PRICKLE2: variants seen among roughly 807,000 people sequenced by gnomAD.
The protein encoded by PRICKLE2 is prickle planar cell polarity protein 2.
A neutral mutation model predicts 81.4 loss-of-function variants in PRICKLE2; 21 were observed. The observed-to-expected ratio is 0.26, with a 90% confidence interval of 0.18 to 0.37. The LOEUF is 0.37. Among genes scored for constraint, PRICKLE2 ranks in the 10% least tolerant of loss-of-function variants. PRICKLE2 has a pLI of 1.00. For missense variants in PRICKLE2, 940 were observed against 1,109.0 expected (o/e 0.85, Z 2.16); for synonymous variants, 456 against 421.5 (o/e 1.08, Z -1.00).
intron 1 of PRICKLE2, among the ~76,000 whole-genome samples, chr3:64,204,710 C>T (rs1012514557): frequency 6.6e-6 from 1 of 152,104 alleles, no homozygotes; most frequent in African/African-American, 2.4e-5. Flanking sequence ...TAGCTGCCCG[C>T]CTTCCACTTC....
chr3:64,159,166 C>G (rs574212999), intron 4 of PRICKLE2, among the ~76,000 whole-genome samples: 2 of 152,268 alleles, frequency 1.3e-5, no homozygotes, highest in Admixed American at 6.5e-5. Context: ...GCAGTGAGGT[C>G]CCAGGGAGAA....
intron 7 of PRICKLE2, among the ~76,000 whole-genome samples, chr3:64,120,159 G>T (rs532966580): frequency 6.6e-6 from 1 of 152,188 alleles, no homozygotes; most frequent in East Asian, 1.9e-4. Context: ...TCAGCATCAC[G>T]TACTACACCC....
intron 2 of PRICKLE2, among the ~76,000 whole-genome samples, chr3:64,177,965 G>A (rs943118748): frequency 3.3e-5 from 5 of 152,112 alleles, no homozygotes; most frequent in Non-Finnish European, 5.9e-5. Flanking sequence ...TTAGCTTTTA[G>A]AGAAACTGCC....
At chr3:64,193,062 A>T (rs1026350939) in intron 2 of PRICKLE2, among the ~76,000 whole-genome samples, 5 of 152,182 alleles carry the variant, frequency 3.3e-5, no homozygotes, top group Non-Finnish European at 5.9e-5. Context: ...TAGCATCATG[A>T]ATCTAAAACC....
At chr3:64,194,056 A>G (rs1308390063) in intron 2 of PRICKLE2, 1 of 152,168 alleles carries the variant, frequency 6.6e-6, no homozygotes, top group Non-Finnish European at 1.5e-5. Context: ...GATGTCTCAC[A>G]TTTTTTCTTT....
rs1483577100 is a variant in PRICKLE2, at chr3:64,099,997, T to C, written c.1661-72A>G. 8.0e-6 allele frequency: 12 copies of C among 1,508,670 alleles called. No individual in the cohort carries two copies. In the Admixed American group the frequency reaches 1.7e-4, roughly 21 times the overall value. The allele number at this position is 1,508,670 out of a possible 1,614,324, so 93.5% of individuals were successfully genotyped here. On this transcript the variant is annotated intron_variant, in intron 7 of 7. Transcript: ENST00000638394. The surrounding 1 kb of genome is among the most constrained non-coding windows in gnomAD (Gnocchi z 4.3). ...CAATGGGTATCACTGTCACTGCTGG[T>C]CATCTATCTAGGGTCATTATATACC...
At chr3:64,103,069 AT>A (rs747483214) in intron 7 of PRICKLE2, 29 of 152,326 alleles carry the variant, frequency 1.9e-4, no homozygotes, top group Non-Finnish European at 3.4e-4. Flanking sequence ...TGTTTGTTCT[AT>A]TTTTATAACT....
At chr3:64,153,876 A>C (rs2077584676) in intron 5 of PRICKLE2, 1 of 161,110 alleles carries the variant, frequency 6.2e-6, no homozygotes, top group Non-Finnish European at 1.4e-5. Flanking sequence ...CAAGTTCTCC[A>C]GTTTGTCATA....
intron 2 of PRICKLE2, among the ~76,000 whole-genome samples, chr3:64,252,619 T>C (rs2079464292): frequency 6.6e-6 from 1 of 152,262 alleles, no homozygotes; most frequent in East Asian, 1.9e-4. Flanking sequence ...CCCCAGCCCT[T>C]CCCTACTAAA....
intron 7 of PRICKLE2, among the ~76,000 whole-genome samples, chr3:64,119,648 G>A (rs908530846): frequency 6.6e-6 from 1 of 152,154 alleles, no homozygotes; most frequent in Non-Finnish European, 1.5e-5. Flanking sequence ...AAGCAGCTTG[G>A]AGATTTCTCA....
chr3:64,220,066 C>T (rs1042552722), intron 1 of PRICKLE2, among the ~76,000 whole-genome samples: 5 of 152,150 alleles, frequency 3.3e-5, no homozygotes, highest in African/African-American at 1.2e-4. Flanking sequence ...ACATAGACAC[C>T]CAAAACATAC....
intron 2 of PRICKLE2, among the ~76,000 whole-genome samples, chr3:64,178,031 A>C (rs2078056113): frequency 6.6e-6 from 1 of 152,234 alleles, no homozygotes; most frequent in Admixed American, 6.5e-5. Flanking sequence ...AATGCACAGA[A>C]ATTCCAGTTT....
chr3:64,100,875 C>A (rs1335831620), intron 7 of PRICKLE2: 1 of 152,200 alleles, frequency 6.6e-6, no homozygotes, highest in Non-Finnish European at 1.5e-5. Flanking sequence ...CCACTCATTA[C>A]ATATTGCAAG....
intron 1 of PRICKLE2, among the ~76,000 whole-genome samples, chr3:64,205,790 A>C (rs1345979043): frequency 6.6e-6 from 1 of 152,168 alleles, no homozygotes; most frequent in East Asian, 1.9e-4. Context: ...CATAAGTGGA[A>C]ACTCAAAACA....
chr3:64,148,542 T>C (rs919322882), intron 6 of PRICKLE2, among the ~76,000 whole-genome samples: 1 of 152,098 alleles, frequency 6.6e-6, no homozygotes, highest in Non-Finnish European at 1.5e-5. Flanking sequence ...GCTATTCCAA[T>C]GGGTAAGTCA....
chr3:64,255,937 T>C (rs1050780422), intron 2 of PRICKLE2, among the ~76,000 whole-genome samples: 9 of 152,122 alleles, frequency 5.9e-5, no homozygotes, highest in Non-Finnish European at 1.2e-4. Context: ...AGCTGAACTA[T>C]GGAGCGACTC....
chr3:64,142,134 A>G (rs1324601039), intron 7 of PRICKLE2, among the ~76,000 whole-genome samples: 1 of 152,118 alleles, frequency 6.6e-6, no homozygotes, highest in African/African-American at 2.4e-5. Context: ...GTCTGCTCCA[A>G]TGAGGAATGA....
chr3:64,123,135 A>C (rs2077052148), intron 7 of PRICKLE2, among the ~76,000 whole-genome samples: 1 of 152,196 alleles, frequency 6.6e-6, no homozygotes, highest in Admixed American at 6.5e-5. Flanking sequence ...ACCATTTGCT[A>C]TTAACTGTAC....
At chr3:64,222,046 C>T (rs529931737) in intron 1 of PRICKLE2, among the ~76,000 whole-genome samples, 1 of 152,268 alleles carries the variant, frequency 6.6e-6, no homozygotes, top group East Asian at 1.9e-4. Context: ...ATTACTGCCC[C>T]CTGTTGTTCA....
Sources: gnomAD v4.1 joint callset for allele counts (sites outside exome capture counted in the v4.1 genomes callset) on GRCh38, gnomAD v4.1.1 for gene constraint, Gnocchi (gnomAD v3.1) non-coding constraint, MANE v1.5 for transcripts, NCBI Gene and HGNC (gene_info 2026-07-23, HGNC 2026-07-21) for gene names.